Variants in ZPR1 observed in about 807,000 individuals in gnomAD.
The protein encoded by ZPR1 is ZPR1 zinc finger, also known as zinc finger protein ZPR1.
Under a neutral mutation model 59.6 loss-of-function variants are expected in ZPR1, and 37 were observed. That is an observed-to-expected ratio of 0.62 (90% CI 0.48 to 0.82). The LOEUF is 0.82. Among genes scored for constraint, ZPR1 ranks in the 40% least tolerant of loss-of-function variants. ZPR1 has a pLI of 0.00. For synonymous variants in ZPR1, 191 were observed against 215.2 expected (o/e 0.89, Z 0.99); for missense variants, 527 against 579.9 (o/e 0.91, Z 0.94).
intron 1 of ZPR1, 59 bp from the exon 2 acceptor site, chr11:116,787,702 ACTATC>A: frequency 6.4e-7 from 1 of 1,568,642 alleles, no homozygotes; most frequent in Non-Finnish European, 8.7e-7. Context: ...TCCCCGCCCT[ACTATC>A]TCCGGGCGCT....
Position 116,775,433 on chromosome 11 carries a change from G to A in ZPR1, c.*3492C>T, listed in dbSNP as rs1940708476. The A allele has an allele frequency of 6.7e-6, 1 of 149,886 alleles. No individual in the cohort carries two copies. Among genetic ancestry groups the A allele is most frequent in the Non-Finnish European group, 1.5e-5 (1 of 68,444 alleles). 9.3% of individuals were successfully genotyped at this position (149,886 alleles called of 1,614,324 possible). A position where few individuals can be genotyped will look rare whatever the true frequency, so the allele number is the denominator to read the frequency against. On this transcript the variant is annotated 3_prime_UTR_variant, in exon 14 of 14. Coordinates refer to ENST00000227322, the MANE Select transcript of ZPR1 (RefSeq NM_003904.5). ...AGATCGCACCACTGCACTCCATCCT[G>A]GGTGACAGAGCAAGACTGTCTCCAA...
rs1479454287 is a variant in ZPR1, at chr11:116,776,489, C to A, written c.*2436G>T. ...AGACTCAGTTAACTATATGTAAGCT[C>A]CCATCCTGACACACTTTATGAAATG... On this transcript the variant is annotated 3_prime_UTR_variant, in exon 14 of 14. Transcript: ENST00000227322. The A allele has an allele frequency of 6.6e-6, 1 of 152,212 alleles. No homozygotes were observed. Among genetic ancestry groups the A allele is most frequent in the Non-Finnish European group, 1.5e-5 (1 of 68,056 alleles). 9.4% of individuals were successfully genotyped at this position (152,212 alleles called of 1,614,324 possible).
At chr11:116,783,665 C>T (rs1478674107) in intron 9 of ZPR1, 46 bp from the exon 10 acceptor site, 1 of 1,514,556 alleles carries the variant, frequency 6.6e-7, no homozygotes. Context: ...ACCTGAGCCT[C>T]ACTTGGTACC....
rs1312634580 is a variant in ZPR1, at chr11:116,776,847, G to C, written c.*2078C>G. The C allele has an allele frequency of 2.0e-5, 3 of 152,244 alleles. No homozygotes were observed. The East Asian group carries it at 5.8e-4, about 29-fold the overall frequency. The allele number at this position is 152,244 out of a possible 1,614,324, so 9.4% of individuals were successfully genotyped here. On this transcript the variant is annotated 3_prime_UTR_variant, in exon 14 of 14. Coordinates refer to ENST00000227322, the MANE Select transcript of ZPR1 (RefSeq NM_003904.5). Reference sequence around the variant, plus strand: ...TTAAGAGACCAAATGATAGATCAGAGGGTTGTCTGGTAAACTTAGATTCCC... The same window carrying C: ...TTAAGAGACCAAATGATAGATCAGACGGTTGTCTGGTAAACTTAGATTCCC...
chr11:116,775,478 A>G lies in ZPR1; in HGVS notation c.*3447T>C, dbSNP rs1473873326. The G allele has an allele frequency of 6.6e-6, 1 of 152,274 alleles. No individual in the cohort carries two copies. Among genetic ancestry groups the G allele is most frequent in the Non-Finnish European group, 1.4e-5 (1 of 69,834 alleles). 9.4% of individuals were successfully genotyped at this position (152,274 alleles called of 1,614,324 possible). A position where few individuals can be genotyped will look rare whatever the true frequency, so the allele number is the denominator to read the frequency against. On this transcript the variant is annotated 3_prime_UTR_variant, in exon 14 of 14. Coordinates refer to ENST00000227322, the MANE Select transcript of ZPR1 (RefSeq NM_003904.5). ...CTCCAAAAAAAAAAAAAAAAAAAAA[A>G]TTAGCCAGGCATGGTGGCGTGCACC...
chr11:116,778,741 G>A lies in ZPR1; in HGVS notation c.*184C>T, dbSNP rs1591306702. ...CAAAATAAGGTCAAGTAACACAATA[G>A]GCTCACACTTGCATCACAAGCTGTT... On this transcript the variant is annotated 3_prime_UTR_variant, in exon 14 of 14. Transcript: ENST00000227322. The A allele has an allele frequency of 3.1e-5, 23 of 744,554 alleles. No individual in the cohort carries two copies. In the East Asian group the frequency reaches 6.5e-4, roughly 21 times the overall value. The allele number at this position is 744,554 out of a possible 1,614,324, so 46.1% of individuals were successfully genotyped here.
At chr11:116,781,005 T>A (rs1940796219) in intron 12 of ZPR1, among the ~76,000 whole-genome samples, 1 of 152,144 alleles carries the variant, frequency 6.6e-6, no homozygotes, top group African/African-American at 2.4e-5. Context: ...TAAGACAGGA[T>A]GCTATTTTTT....
chr11:116,787,943 G>A lies in ZPR1; in HGVS notation c.48C>T (p.Val16=). 3 of 1,471,228 alleles carry A rather than the reference G, an allele frequency of 2.0e-6. No homozygotes were observed. In the South Asian group the frequency reaches 4.0e-5, roughly 19 times the overall value. The allele number at this position is 1,471,228 out of a possible 1,614,324, so 91.1% of individuals were successfully genotyped here. ...AVEPGPPGAA[V]APSPAPAPPP... ...GCGGGGCCGGGGCGGGCGACGGGGC[G>A]ACGGCAGCCCCCGGGGGCCCTGGTT... Residue 16 remains valine, a synonymous_variant, in exon 1 of 14, where the codon GTC becomes GTT. Coordinates refer to ENST00000227322, the MANE Select transcript of ZPR1 (RefSeq NM_003904.5).
chr11:116,782,956 G>C lies in ZPR1; in HGVS notation c.1055C>G (p.Thr352Ser), dbSNP rs750035629. 6.2e-7 allele frequency: 1 copy of C among 1,614,168 alleles called. No individual in the cohort carries two copies. Among genetic ancestry groups the C allele is most frequent in the African/African-American group, 1.3e-5 (1 of 75,018 alleles). ...LGMAVLGGKF[T>S]TLEGLLKDIR... is the part of the protein sequence containing the mutation. ...GTCTTTCAGCAGCCCTTCCAGTGTG[G>C]TGAACTTGCCCCCGAGGACTGCCAT... Residue 352 changes from threonine (T) to serine (S), a missense_variant, in exon 11 of 14, where the codon ACC becomes AGC. Coordinates refer to ENST00000227322, the MANE Select transcript of ZPR1 (RefSeq NM_003904.5).
rs1940890164 is a variant in ZPR1 at position 116,786,556 on chromosome 11, G to T, written c.450C>A (p.Ile150=). ...GCTCCAGGCCAGAGATAGCACGGGT[G>T]ATCAATCCTTCAACAGTGGTCAGAG... is the stretch of plus-strand genomic sequence containing the variant. ...KGALTTVEGL[I]TRAISGLEQD... is the part of the protein sequence containing the mutation. The change falls in exon 4 of 14, where the codon ATC becomes ATA. Residue 150 remains isoleucine (I), a synonymous_variant. Transcript: ENST00000227322. 1 of 1,614,080 alleles carries T rather than the reference G, an allele frequency of 6.2e-7. No individual in the cohort carries two copies. Among genetic ancestry groups the T allele is most frequent in the Non-Finnish European group, 8.5e-7 (1 of 1,180,038 alleles).
chr11:116,782,115 G>C, intron 12 of ZPR1, 43 bp downstream of exon 12: 1 of 1,509,170 alleles, frequency 6.6e-7, no homozygotes, highest in Non-Finnish European at 9.2e-7. Context: ...CTGTTCACTG[G>C]AGCCCCAGGA....
At position 116,787,942 on chromosome 11, in the gene ZPR1, C is replaced by T. The variant is rs1184196657; in HGVS notation, c.49G>A (p.Ala17Thr). The change falls in exon 1 of 14, where the codon GCC (alanine) becomes ACC (threonine). Residue 17 changes from alanine (A) to threonine (T), a missense_variant. Ala to Thr is a moderately conservative substitution (Grantham distance 58, BLOSUM62 0). Transcript: ENST00000227322. ...GGCGGGGCCGGGGCGGGCGACGGGG[C>T]GACGGCAGCCCCCGGGGGCCCTGGT... ...VEPGPPGAAVAPSPAPAPPPA... is the reference protein window; with the variant it reads ...VEPGPPGAAVTPSPAPAPPPA... 4.1e-6 allele frequency: 6 copies of T among 1,470,084 alleles called. No individual in the cohort carries two copies. Among genetic ancestry groups the T allele is most frequent in the African/African-American group, 1.5e-5 (1 of 67,836 alleles). 91.1% of individuals were successfully genotyped at this position (1,470,084 alleles called of 1,614,324 possible). A position where few individuals can be genotyped will look rare whatever the true frequency, so the allele number is the denominator to read the frequency against.
chr11:116,785,033 T>C (rs1940862985), intron 7 of ZPR1, 66 bp downstream of exon 7: 1 of 1,608,380 alleles, frequency 6.2e-7, no homozygotes. Context: ...GGAAGACAGA[T>C]GCTGAACAGC....
intron 4 of ZPR1, among the ~76,000 whole-genome samples, 198 bp downstream of exon 4, chr11:116,786,313 T>C (rs1021149111): frequency 2.0e-5 from 3 of 152,172 alleles, no homozygotes; most frequent in Non-Finnish European, 4.4e-5. Flanking sequence ...TATTGTCTGA[T>C]GAGGCCTGAA....
In ZPR1 at chr11:116,777,044, A is replaced by G. The variant is rs1940732988; in HGVS notation, c.*1881T>C. On this transcript the variant is annotated 3_prime_UTR_variant, in exon 14 of 14. Coordinates refer to ENST00000227322, the MANE Select transcript of ZPR1 (RefSeq NM_003904.5). ...CAGAAATTAGAGATACAGGTATGGA[A>G]GTTAGTCCCACATGATAGTAAGATG... 1 of 152,222 alleles carries G rather than the reference A, an allele frequency of 6.6e-6. No individual in the cohort carries two copies. Among genetic ancestry groups the G allele is most frequent in the African/African-American group, 2.4e-5 (1 of 41,452 alleles). 9.4% of individuals were successfully genotyped at this position (152,222 alleles called of 1,614,324 possible). A position where few individuals can be genotyped will look rare whatever the true frequency, so the allele number is the denominator to read the frequency against.
Position 116,785,886 on chromosome 11 carries a change from C to T in ZPR1, c.496-4G>A. ...CAGCTGTAGCATCTTTGTTTGCCTG[C>T]CATGAACAGAGAGTAAAGCATCAGC... is the stretch of plus-strand genomic sequence containing the variant. On this transcript the variant is annotated splice_region_variant and splice_polypyrimidine_tract_variant and intron_variant, in intron 4 of 13. Coordinates refer to ENST00000227322, the MANE Select transcript of ZPR1 (RefSeq NM_003904.5). 2 of 1,613,704 alleles carry T rather than the reference C, an allele frequency of 1.2e-6. No homozygotes were observed. Among genetic ancestry groups the T allele is most frequent in the African/African-American group, 1.3e-5 (1 of 75,038 alleles).
Position 116,775,300 on chromosome 11 carries a change from A to C in ZPR1, c.*3625T>G, listed in dbSNP as rs1208097604. ...ATGGTGAAACCCCATCTCTACTAAA[A>C]ATACAAAAATTAGCTGGGTGCAGTG... On this transcript the variant is annotated 3_prime_UTR_variant, in exon 14 of 14. Transcript: ENST00000227322. The C allele has an allele frequency of 6.6e-6, 1 of 152,038 alleles. No individual in the cohort carries two copies. The highest frequency in any genetic ancestry group is 1.5e-5 in the Non-Finnish European group (1 of 68,130). 9.4% of individuals were successfully genotyped at this position (152,038 alleles called of 1,614,324 possible).
At chr11:116,784,292 G>A (rs1022483384) in intron 9 of ZPR1, 86 bp downstream of exon 9, 50 of 1,382,252 alleles carry the variant, frequency 3.6e-5, no homozygotes, top group South Asian at 3.3e-4. Context: ...CCCTGCCCCC[G>A]AGTACTGAAG....
chr11:116,782,331 G>A (rs1940820238), intron 11 of ZPR1, 87 bp from the exon 12 acceptor site: 5 of 1,199,400 alleles, frequency 4.2e-6, no homozygotes, highest in Admixed American at 1.9e-5. Flanking sequence ...GTGACAGTGG[G>A]TGCCCTGTCA....
Sources: allele counts gnomAD v4.1 joint callset (sites outside exome capture counted in the v4.1 genomes callset), GRCh38; gene constraint gnomAD v4.1.1; transcripts MANE v1.5; gene names NCBI Gene and HGNC (gene_info 2026-07-23, HGNC 2026-07-21).